The following ASCC3 variants were observed in gnomAD, a reference collection of about 807,000 sequenced individuals.
The protein encoded by ASCC3 is ASC-1 complex subunit P200.
In ASCC3, 158 loss-of-function variants were observed where a neutral mutation model predicts 256.3. The ratio of observed to expected loss-of-function variants is 0.62; its 90% CI spans 0.54 to 0.70. ASCC3 has a LOEUF of 0.70. Among genes scored for constraint, ASCC3 ranks in the 30% least tolerant of loss-of-function variants. The pLI is 0.00. For missense variants in ASCC3, 2,259 were observed against 2,626.0 expected, an observed-to-expected ratio of 0.86 and a Z score of 3.05; for synonymous variants, 948 against 883.4, an observed-to-expected ratio of 1.07 and a Z score of -1.30.
At position 100,662,505 on chromosome 6, in the gene ASCC3, T is replaced by C; in HGVS notation, c.2318A>G (p.Glu773Gly). The change falls in exon 15 of 42, where the codon GAA (glutamate) becomes GGA (glycine). Residue 773 changes from glutamate (E) to glycine (G), a missense_variant. Around this residue, in one of 2 missense-constraint regions of ASCC3, gnomAD observed 1,839 missense variants for 2,206.7 expected, o/e 0.83. Coordinates refer to ENST00000369162, the MANE Select transcript of ASCC3 (RefSeq NM_006828.4). The stretch of plus-strand genomic sequence containing the variant: ...AATACTAAAACCATCTGGGAATAAT[T>C]CTCGTACTTGCTTATTTCTCGACCT... ...VQRSRNKQVR[E>G]LFPDGFSIHH... 2 of 1,613,148 alleles carry C rather than the reference T, an allele frequency of 1.2e-6. No homozygotes were observed. The highest frequency in any genetic ancestry group is 1.7e-6 in the Non-Finnish European group (2 of 1,179,410).
intron 1 of ASCC3, among the ~76,000 whole-genome samples, chr6:100,879,850 A>C (rs989708003): frequency 6.6e-6 from 1 of 152,198 alleles, no homozygotes; most frequent in African/African-American, 2.4e-5. Context: ...TTTCAATGCC[A>C]ATTACATATA....
At chr6:100,782,466 C>A (rs541122334) in intron 8 of ASCC3, among the ~76,000 whole-genome samples, 1 of 152,180 alleles carries the variant, frequency 6.6e-6, no homozygotes, top group Admixed American at 6.5e-5. Context: ...AAATATGATC[C>A]TGCTTCATTT....
chr6:100,799,664 C>A (rs745699350), intron 6 of ASCC3, 92 bp from the exon 7 acceptor site: 445 of 1,325,168 alleles, frequency 3.4e-4, no homozygotes, highest in Middle Eastern at 3.1e-3. Context: ...ATATTGGGAG[C>A]TAGCCTTCCA....
intron 5 of ASCC3, among the ~76,000 whole-genome samples, chr6:100,801,123 T>TA (rs1291974254): frequency 6.6e-6 from 1 of 152,080 alleles, no homozygotes; most frequent in Non-Finnish European, 1.5e-5. Flanking sequence ...ATCTCAATGT[T>TA]TACTAAGTAC....
chr6:100,714,143 C>T (rs1032379646), intron 13 of ASCC3, among the ~76,000 whole-genome samples: 3 of 152,082 alleles, frequency 2.0e-5, no homozygotes, highest in African/African-American at 4.8e-5. Context: ...TGTCCATAGC[C>T]GCTTTCATGC....
At position 100,638,652 on chromosome 6, in the gene ASCC3, A is replaced by G. The variant is rs144639163; in HGVS notation, c.4071T>C (p.Val1357=). Residue 1357 remains valine, a synonymous_variant, in exon 25 of 42, where the codon GTT becomes GTC. Coordinates refer to ENST00000369162, the MANE Select transcript of ASCC3 (RefSeq NM_006828.4). ...LGAPTGSGKT[V]AAELAIFRVF... The stretch of plus-strand genomic sequence containing the variant: ...CTCTGAAAATGGCTAATTCAGCTGC[A>G]ACAGTCTTTCCCGATCCAGTAGGTG... 683 of 1,613,968 alleles carry G rather than the reference A, an allele frequency of 4.2e-4. 5 individuals are homozygous for G. In the East Asian group the frequency reaches 0.014, roughly 34 times the overall value.
intron 10 of ASCC3, among the ~76,000 whole-genome samples, chr6:100,753,232 T>C (rs925588845): frequency 6.6e-5 from 10 of 151,046 alleles, no homozygotes; most frequent in African/African-American, 2.4e-4. Flanking sequence ...AAAGAAAAGG[T>C]AACAATTCTA....
intron 17 of ASCC3, 104 bp downstream of exon 17, chr6:100,655,595 C>T (rs1013481594): frequency 9.0e-6 from 12 of 1,336,458 alleles, no homozygotes; most frequent in Middle Eastern, 4.0e-4. Flanking sequence ...TTCTAGGTAC[C>T]TCTTTTCAGA....
Position 100,830,418 on chromosome 6 carries a change from T to A in ASCC3, c.801+17730A>T, listed in dbSNP as rs561540963. On this transcript the variant is annotated intron_variant, in intron 4 of 41. Transcript: ENST00000369162. ...CCACTACATAGATATAACATTTGTA[T>A]GAGATATATTACATTTCATGGTAGA... 3.3e-5 allele frequency among the ~76,000 whole-genome samples: 5 copies of A among 152,260 alleles called. No individual in the cohort carries two copies. In the South Asian group the frequency reaches 1.0e-3, roughly 32 times the overall value.
At chr6:100,735,724 C>G (rs1305378920) in intron 10 of ASCC3, among the ~76,000 whole-genome samples, 1 of 152,036 alleles carries the variant, frequency 6.6e-6, no homozygotes, top group African/African-American at 2.4e-5. Flanking sequence ...AATAAGATCT[C>G]TACATACATA....
chr6:100,687,704 T>C (rs239204), intron 13 of ASCC3, among the ~76,000 whole-genome samples: 85,392 of 151,858 alleles, frequency 0.56, 24,228 homozygotes, highest in East Asian at 0.73. Context: ...TATTTAGCAA[T>C]GCACTTAAAA....
chr6:100,575,112 T>C (rs993243087), intron 36 of ASCC3, among the ~76,000 whole-genome samples: 1 of 152,034 alleles, frequency 6.6e-6, no homozygotes, highest in African/African-American at 2.4e-5. Flanking sequence ...CCTGTGATTG[T>C]CAGGAGGTTA....
chr6:100,572,209 C>G lies in ASCC3; in HGVS notation c.5550+17425G>C, dbSNP rs2157341. ...GTGATTAGGTCATGAAAGCAGAACT[C>G]TCATGAATGGGATTAGTGCCCTTAT... On this transcript the variant is annotated intron_variant, in intron 36 of 41. Coordinates refer to ENST00000369162, the MANE Select transcript of ASCC3 (RefSeq NM_006828.4). 4.0e-3 allele frequency among the ~76,000 whole-genome samples: 611 copies of G among 152,186 alleles called. 5 individuals are homozygous for G. Among genetic ancestry groups the G allele is most frequent in the Middle Eastern group, 0.014 (4 of 294 alleles).
chr6:100,768,768 C>T (rs893878383), intron 8 of ASCC3, among the ~76,000 whole-genome samples: 2 of 152,078 alleles, frequency 1.3e-5, no homozygotes, highest in African/African-American at 4.8e-5. Context: ...GTAGAACACA[C>T]ATTCTCTTCC....
chr6:100,624,505 A>G (rs76193005), intron 30 of ASCC3, among the ~76,000 whole-genome samples: 2,337 of 152,164 alleles, frequency 0.015, 24 homozygotes, highest in East Asian at 0.045. Context: ...TTACTCTCAT[A>G]TATTTCTGAT....
In ASCC3 at chr6:100,846,610, A is replaced by G. The variant is rs10485297; in HGVS notation, c.801+1538T>C. On this transcript the variant is annotated intron_variant, in intron 4 of 41. Transcript: ENST00000369162. ...TATCTGCATACCCTTGTTTCTCAGC[A>G]CTCCACCTTTGCATCTTGCATGCTT... Among the ~76,000 whole-genome samples, 1,924 of 152,012 alleles carry G rather than the reference A, an allele frequency of 0.013. 96 individuals carry two copies. The East Asian group carries it at 0.14, about 11-fold the overall frequency.
chr6:100,733,355 G>A (rs1348191481), intron 10 of ASCC3, among the ~76,000 whole-genome samples: 1 of 152,058 alleles, frequency 6.6e-6, no homozygotes, highest in African/African-American at 2.4e-5. Context: ...TGGTGTTTGG[G>A]TCATGACGTC....
intron 14 of ASCC3, among the ~76,000 whole-genome samples, chr6:100,664,654 C>T (rs1230400088): frequency 1.3e-5 from 2 of 152,088 alleles, no homozygotes; most frequent in East Asian, 3.9e-4. Context: ...ACTAATTACA[C>T]TTGGATCTCA....
intron 4 of ASCC3, among the ~76,000 whole-genome samples, chr6:100,826,472 C>G (rs1371756714): frequency 6.6e-6 from 1 of 152,088 alleles, no homozygotes; most frequent in East Asian, 1.9e-4. Flanking sequence ...TAAATGGATC[C>G]TTATACAGTT....
Sources: allele counts gnomAD v4.1 joint callset (sites outside exome capture counted in the v4.1 genomes callset), GRCh38; gene constraint gnomAD v4.1.1; regional missense constraint gnomAD v4.1.1; transcripts MANE v1.5; gene names NCBI Gene and HGNC (gene_info 2026-07-23, HGNC 2026-07-21).